Variants in SNX29 observed in about 807,000 individuals in gnomAD.
SNX29 encodes sorting nexin-29.
Under a neutral mutation model 102.1 loss-of-function variants are expected in SNX29, and 78 were observed. The ratio of observed to expected loss-of-function variants is 0.76; its 90% CI spans 0.64 to 0.92. The LOEUF is 0.92. Among genes scored for constraint, SNX29 ranks in the 40% least tolerant of loss-of-function variants. SNX29 has a pLI of 0.00. For synonymous variants in SNX29, 580 were observed against 414.5 expected (o/e 1.40, Z -4.85); for missense variants, 1,280 against 1,061.7 (o/e 1.21, Z -2.86).
At chr16:12,114,873 A>G (rs111998428) in intron 11 of SNX29, among the ~76,000 whole-genome samples, 1,819 of 152,250 alleles carry the variant, frequency 0.012, 35 homozygotes, top group Admixed American at 0.04. Flanking sequence ...TTCCTAATCT[A>G]TAAAATGGGT....
At chr16:12,507,756 G>A (rs560626404) in intron 19 of SNX29, among the ~76,000 whole-genome samples, 2 of 152,214 alleles carry the variant, frequency 1.3e-5, no homozygotes, top group African/African-American at 4.8e-5. Context: ...GAAGTAGAAC[G>A]TTAAAATAAC....
chr16:12,537,298 G>C (rs563833566), intron 20 of SNX29, among the ~76,000 whole-genome samples: 2 of 152,332 alleles, frequency 1.3e-5, no homozygotes, highest in East Asian at 3.9e-4. Flanking sequence ...TACATGTTTG[G>C]ATTTTAGTAT....
chr16:12,536,811 A>T (rs1280324982), intron 20 of SNX29, among the ~76,000 whole-genome samples: 3 of 152,132 alleles, frequency 2.0e-5, no homozygotes, highest in Non-Finnish European at 2.9e-5. Context: ...CCCCATCTCT[A>T]TTAAAACTGC....
intron 3 of SNX29, among the ~76,000 whole-genome samples, chr16:12,016,065 A>T (rs1432475056): frequency 6.7e-6 from 1 of 149,022 alleles, no homozygotes; most frequent in Non-Finnish European, 1.5e-5. Context: ...GGATTTCACC[A>T]TGTTGGCCAG....
chr16:12,073,155 T>C (rs554800387), intron 10 of SNX29, among the ~76,000 whole-genome samples: 17 of 152,126 alleles, frequency 1.1e-4, no homozygotes, highest in Admixed American at 6.5e-4. Flanking sequence ...GGGTTTTTTG[T>C]GTCTCTATTT....
intron 19 of SNX29, among the ~76,000 whole-genome samples, chr16:12,518,957 G>C (rs1311730771): frequency 6.6e-6 from 1 of 152,172 alleles, no homozygotes; most frequent in Non-Finnish European, 1.5e-5. Flanking sequence ...GGCCTCGGCT[G>C]GTCATACTGC....
intron 19 of SNX29, among the ~76,000 whole-genome samples, chr16:12,487,978 C>G (rs2088333029): frequency 6.6e-6 from 1 of 152,126 alleles, no homozygotes; most frequent in South Asian, 2.1e-4. Context: ...AGAGCAACCA[C>G]TAACGTCATC....
intron 14 of SNX29, among the ~76,000 whole-genome samples, chr16:12,254,987 CA>C (rs2078527077): frequency 6.6e-6 from 1 of 152,140 alleles, no homozygotes; most frequent in African/African-American, 2.4e-5. Context: ...CAGGGACGTG[CA>C]GCAGGAATTG....
chr16:12,235,817 A>ATG (rs1018077857), intron 14 of SNX29, among the ~76,000 whole-genome samples: 10 of 148,796 alleles, frequency 6.7e-5, no homozygotes, highest in African/African-American at 2.3e-4. Flanking sequence ...GTGTATGTGT[A>ATG]TGTGTGTGTG....
intron 13 of SNX29, among the ~76,000 whole-genome samples, chr16:12,141,927 C>G (rs2054882556): frequency 1.3e-5 from 2 of 152,168 alleles, no homozygotes; most frequent in African/African-American, 4.8e-5. Context: ...GAATGCAGCT[C>G]AGTGGGTCTC....
At chr16:12,033,253 T>G (rs1384606204) in intron 4 of SNX29, among the ~76,000 whole-genome samples, 1 of 152,010 alleles carries the variant, frequency 6.6e-6, no homozygotes, top group Non-Finnish European at 1.5e-5. Context: ...CATATATATA[T>G]ATGTATGTAT....
intron 16 of SNX29, 25 bp from the exon 17 acceptor site, chr16:12,398,421 C>G: frequency 2.5e-6 from 4 of 1,613,348 alleles, no homozygotes; most frequent in Non-Finnish European, 3.4e-6. Context: ...TTTTTTCTCC[C>G]CTCTCCCCCT....
rs183402740 is a variant in SNX29 at position 12,102,402 on chromosome 16, A to G, written c.1402+23487A>G. On this transcript the variant is annotated intron_variant, in intron 11 of 20. Transcript: ENST00000566228. ...CCACTAACAGTGTAAAAGCATTTCT[A>G]TTACTCCACATCCTCTCCAGTGTCT... is the stretch of plus-strand genomic sequence containing the variant. Among the ~76,000 whole-genome samples, 7 of 152,300 alleles carry G rather than the reference A, an allele frequency of 4.6e-5. No homozygotes were observed. The East Asian group carries it at 5.8e-4, about 13-fold the overall frequency.
At chr16:12,030,850 A>G (rs1413026931) in intron 4 of SNX29, among the ~76,000 whole-genome samples, 4 of 152,114 alleles carry the variant, frequency 2.6e-5, no homozygotes, top group Non-Finnish European at 4.4e-5. Context: ...GCTGACAGGC[A>G]GCGGCAGGTC....
intron 16 of SNX29, among the ~76,000 whole-genome samples, chr16:12,395,356 A>G (rs1430109292): frequency 2.6e-5 from 4 of 152,200 alleles, no homozygotes; most frequent in African/African-American, 9.6e-5. Flanking sequence ...ATCCTGAGTC[A>G]GAGGAGATGA....
chr16:12,301,074 C>G (rs2080158641), intron 15 of SNX29, among the ~76,000 whole-genome samples: 1 of 152,146 alleles, frequency 6.6e-6, no homozygotes, highest in Non-Finnish European at 1.5e-5. Context: ...ATTCAGCTAG[C>G]TAATCAAGTT....
At chr16:12,392,815 G>A (rs1214889755) in intron 16 of SNX29, among the ~76,000 whole-genome samples, 1 of 152,154 alleles carries the variant, frequency 6.6e-6, no homozygotes, top group East Asian at 1.9e-4. Context: ...TGTTTGTAAA[G>A]CAAATGAAAA....
intron 13 of SNX29, among the ~76,000 whole-genome samples, chr16:12,155,566 G>A (rs760552106): frequency 8.5e-5 from 13 of 152,178 alleles, no homozygotes; most frequent in Admixed American, 3.9e-4. Context: ...GACACACTGA[G>A]CCAACTATAA....
chr16:12,518,835 C>T lies in SNX29; in HGVS notation c.2179-5867C>T, dbSNP rs190350110. 6.5e-4 allele frequency among the ~76,000 whole-genome samples: 99 copies of T among 152,264 alleles called. No homozygotes were observed. The East Asian group carries it at 7.9e-3, about 12-fold the overall frequency. ...GAGAAACAGAGATTGCAGGGGATTT[C>T]GCTGCATTCCCACAGAGCCGGTAAA... On this transcript the variant is annotated intron_variant, in intron 19 of 20. Coordinates refer to ENST00000566228, the MANE Select transcript of SNX29 (RefSeq NM_032167.5).
Sources: allele counts gnomAD v4.1 joint callset (sites outside exome capture counted in the v4.1 genomes callset), GRCh38; gene constraint gnomAD v4.1.1; transcripts MANE v1.5; gene names NCBI Gene and HGNC (gene_info 2026-07-23, HGNC 2026-07-21).